PPP2CA: variants seen among roughly 807,000 people sequenced by gnomAD.
PPP2CA encodes the protein serine/threonine-protein phosphatase 2A catalytic subunit alpha isoform.
Under a neutral mutation model 38.8 loss-of-function variants are expected in PPP2CA, and 5 were observed. The observed-to-expected ratio is 0.13, with a 90% CI of 0.07 to 0.27. The LOEUF (loss-of-function observed/expected upper bound fraction) is 0.27. PPP2CA is among the 10% of genes least tolerant of loss of function. The pLI is 1.00. For synonymous variants in PPP2CA, 152 were observed against 134.0 expected, an observed-to-expected ratio of 1.13 and a Z score of -0.93; for missense variants, 88 against 389.7, an observed-to-expected ratio of 0.23 and a Z score of 6.52.
intron 1 of PPP2CA, 40 bp downstream of exon 1, chr5:134,225,720 C>T (rs752610976): frequency 3.2e-6 from 5 of 1,570,432 alleles, no homozygotes; most frequent in Non-Finnish European, 2.6e-6. Context: ...TCGGCGGGCT[C>T]GGCCCCGCGG....
At position 134,206,027 on chromosome 5, in the gene PPP2CA, A is replaced by G; in HGVS notation, c.207T>C (p.Phe69=). Residue 69 remains phenylalanine, a synonymous_variant, in exon 2 of 7, where the codon TTT becomes TTC. Coordinates refer to ENST00000481195, the MANE Select transcript of PPP2CA (RefSeq NM_002715.4). ...TATCTGGTGATTTGCCACCAATTCT[A>G]AACAGTTCCATGAGATCATGAAATT... ...HGQFHDLMEL[F]RIGGKSPDTN... 1.2e-6 allele frequency: 2 copies of G among 1,614,096 alleles called. No individual in the cohort carries two copies. Among genetic ancestry groups the G allele is most frequent in the South Asian group, 1.1e-5 (1 of 91,082 alleles).
intron 2 of PPP2CA, chr5:134,202,269 G>A: frequency 1.0e-5 from 4 of 385,866 alleles, no homozygotes; most frequent in Non-Finnish European, 1.4e-5. Context: ...TAAATCAATG[G>A]GCTATTAAAA....
intron 1 of PPP2CA, among the ~76,000 whole-genome samples, chr5:134,213,972 T>C (rs973975429): frequency 1.3e-5 from 2 of 151,978 alleles, no homozygotes; most frequent in Non-Finnish European, 2.9e-5. Context: ...CTACTAAAAA[T>C]ACAAAAATCA....
At chr5:134,198,395 A>AAAC (rs1761900819) in intron 6 of PPP2CA, among the ~76,000 whole-genome samples, 1 of 150,724 alleles carries the variant, frequency 6.6e-6, no homozygotes. Context: ...TCCGTCTCAA[A>AAAC]AAACAAACAA....
chr5:134,194,541 T>A lies in PPP2CA; in HGVS notation c.*3231A>T, dbSNP rs1761800273. ...GAGTCGCACGGTACATTTTAATTCC[T>A]TATCAACATCCATGAACCACCACCA... On this transcript the variant is annotated 3_prime_UTR_variant, in exon 7 of 7. Coordinates refer to ENST00000481195, the MANE Select transcript of PPP2CA (RefSeq NM_002715.4). 6.6e-6 allele frequency: 1 copy of A among 152,334 alleles called. No homozygotes were observed. Among genetic ancestry groups the A allele is most frequent in the Non-Finnish European group, 1.5e-5 (1 of 68,044 alleles). 9.4% of individuals were successfully genotyped at this position (152,334 alleles called of 1,614,324 possible).
chr5:134,225,412 C>T, intron 1 of PPP2CA: 2 of 230,722 alleles, frequency 8.7e-6, no homozygotes, highest in South Asian at 1.2e-4. Context: ...AGGCTCCATT[C>T]CCAAGCCGCA....
At position 134,223,421 on chromosome 5, in the gene PPP2CA, A is replaced by G. The variant is rs186247241; in HGVS notation, c.102+2339T>C. ...CAAATTAATTTAGTTTGGAAGTTTA[A>G]TATCATCCTGAAAGTTGAAATACTT... On this transcript the variant is annotated intron_variant, in intron 1 of 6. Transcript: ENST00000481195. Among the ~76,000 whole-genome samples the G allele has an allele frequency of 2.6e-5, 4 of 152,360 alleles. No individual in the cohort carries two copies. The East Asian group carries it at 5.8e-4, about 22-fold the overall frequency.
chr5:134,207,678 A>G (rs1338326517), intron 1 of PPP2CA, among the ~76,000 whole-genome samples: 1 of 152,102 alleles, frequency 6.6e-6, no homozygotes, highest in Non-Finnish European at 1.5e-5. Context: ...CTCAGTCTCC[A>G]TGAACAATTG....
intron 1 of PPP2CA, among the ~76,000 whole-genome samples, chr5:134,212,695 C>G (rs1762226935): frequency 1.3e-5 from 2 of 152,200 alleles, no homozygotes; most frequent in African/African-American, 4.8e-5. Flanking sequence ...TTGCACCAAA[C>G]TGCTAAGGTA....
At chr5:134,205,772 T>C in intron 2 of PPP2CA, 150 bp downstream of exon 2, 1 of 650,942 alleles carries the variant, frequency 1.5e-6, no homozygotes, top group East Asian at 2.8e-5. Context: ...CAGACGCCTA[T>C]GATTTTTAAG....
At chr5:134,210,519 T>C (rs942473787) in intron 1 of PPP2CA, among the ~76,000 whole-genome samples, 1 of 152,112 alleles carries the variant, frequency 6.6e-6, no homozygotes, top group Admixed American at 6.5e-5. Context: ...GGTCAACATC[T>C]GGGAAAAAAA....
At chr5:134,201,258 T>A (rs1329378907) in intron 3 of PPP2CA, among the ~76,000 whole-genome samples, 184 bp from the exon 4 acceptor site, 2 of 152,114 alleles carry the variant, frequency 1.3e-5, no homozygotes, top group African/African-American at 2.4e-5. Context: ...TACAAAAATT[T>A]TAAAAAATGA....
chr5:134,205,262 T>C (rs1372322828), intron 2 of PPP2CA, among the ~76,000 whole-genome samples: 1 of 152,100 alleles, frequency 6.6e-6, no homozygotes, highest in African/African-American at 2.4e-5. Flanking sequence ...TGACATTTGG[T>C]ATGTTTATAT....
intron 2 of PPP2CA, among the ~76,000 whole-genome samples, chr5:134,204,221 C>T (rs1451828757): frequency 6.6e-6 from 1 of 152,184 alleles, no homozygotes; most frequent in African/African-American, 2.4e-5. Flanking sequence ...TTTGAATATT[C>T]TTTAATAATA....
intron 2 of PPP2CA, among the ~76,000 whole-genome samples, chr5:134,204,041 A>C (rs1327544460): frequency 1.3e-5 from 2 of 152,208 alleles, no homozygotes; most frequent in Admixed American, 1.3e-4. Context: ...GAAACCTTCC[A>C]CCATCTAGTC....
intron 1 of PPP2CA, chr5:134,224,181 G>A: frequency 2.3e-6 from 1 of 427,842 alleles, no homozygotes; most frequent in Admixed American, 2.7e-5. Flanking sequence ...ATCATGTACA[G>A]TACCTAGAAA....
chr5:134,225,940 C>T lies in PPP2CA; in HGVS notation c.-79G>A, dbSNP rs574595002. On this transcript the variant is annotated 5_prime_UTR_variant, in exon 1 of 7. Transcript: ENST00000481195. ...CGCACACGGGCCTACACGCACACGC[C>T]GCCGCCGGTTCCTCGTGTACTTCTG... 12 of 1,327,508 alleles carry T rather than the reference C, an allele frequency of 9.0e-6. 1 individual carries two copies. Among genetic ancestry groups the T allele is most frequent in the East Asian group, 4.9e-5 (2 of 40,830 alleles). The allele number at this position is 1,327,508 out of a possible 1,614,324, so 82.2% of individuals were successfully genotyped here.
chr5:134,219,421 C>T (rs1434188712), intron 1 of PPP2CA, among the ~76,000 whole-genome samples: 1 of 152,234 alleles, frequency 6.6e-6, no homozygotes, highest in Non-Finnish European at 1.5e-5. Flanking sequence ...CAGGTAAACA[C>T]ATGCTACTGC....
chr5:134,199,838 G>T (rs80329964), intron 5 of PPP2CA, among the ~76,000 whole-genome samples: 4,748 of 152,230 alleles, frequency 0.031, 109 homozygotes, highest in Non-Finnish European at 0.05. Context: ...CCACAGAGTT[G>T]TACTAGTATT....
Sources: gnomAD v4.1 joint callset for allele counts (sites outside exome capture counted in the v4.1 genomes callset) on GRCh38, gnomAD v4.1.1 for gene constraint, MANE v1.5 for transcripts, NCBI Gene and HGNC (gene_info 2026-07-23, HGNC 2026-07-21) for gene names.